The following UNC79 variants were observed in gnomAD, a reference collection of about 807,000 sequenced individuals.
UNC79 encodes the protein unc-79 subunit of NALCN channel complex.
In UNC79, 37 loss-of-function variants were observed where a neutral mutation model predicts 283.1. The observed-to-expected ratio is 0.13, with a 90% CI of 0.10 to 0.17. UNC79 has a LOEUF of 0.17. UNC79 is among the 10% of genes least tolerant of loss of function. The pLI is 1.00. For synonymous variants in UNC79, 1,107 were observed against 1,200.2 expected (o/e 0.92, Z 1.61); for missense variants, 2,272 against 3,211.1 (o/e 0.71, Z 7.07).
At chr14:93,603,141 A>C in intron 25 of UNC79, 98 bp from the exon 26 acceptor site, 1 of 1,361,466 alleles carries the variant, frequency 7.3e-7, no homozygotes, top group Non-Finnish European at 1.0e-6. Flanking sequence ...AATGTATTTT[A>C]ATATTGAAAC....
chr14:93,627,681 A>G (rs1292530789), intron 30 of UNC79, among the ~76,000 whole-genome samples: 1 of 152,212 alleles, frequency 6.6e-6, no homozygotes, highest in Non-Finnish European at 1.5e-5. Context: ...GAGGGGAAAT[A>G]TACTCTCCCT....
At chr14:93,545,118 G>A (rs770423251) in intron 14 of UNC79, among the ~76,000 whole-genome samples, 11 of 152,112 alleles carry the variant, frequency 7.2e-5, no homozygotes, top group Non-Finnish European at 1.6e-4. Context: ...AAGACAGAAG[G>A]ATCTAGTTTA....
chr14:93,626,262 C>T (rs1276342682), intron 30 of UNC79, among the ~76,000 whole-genome samples: 1 of 152,168 alleles, frequency 6.6e-6, no homozygotes, highest in East Asian at 1.9e-4. Context: ...TCCACAGCCT[C>T]CTATCACCTT....
At chr14:93,614,856 C>G (rs2066585447) in intron 27 of UNC79, among the ~76,000 whole-genome samples, 1 of 152,162 alleles carries the variant, frequency 6.6e-6, no homozygotes, top group South Asian at 2.1e-4. Flanking sequence ...CTCACTACCC[C>G]AAACAGTTCA....
At chr14:93,354,211 A>G (rs190122140) in intron 1 of UNC79, among the ~76,000 whole-genome samples, 69 of 152,312 alleles carry the variant, frequency 4.5e-4, no homozygotes, top group African/African-American at 1.5e-3. Context: ...GGAAAGTGAT[A>G]TGAGAAGATG....
chr14:93,669,824 A>G (rs2072643393), intron 40 of UNC79, among the ~76,000 whole-genome samples: 1 of 152,162 alleles, frequency 6.6e-6, no homozygotes, highest in Non-Finnish European at 1.5e-5. Flanking sequence ...CACTAAACAA[A>G]CAGAAAGCTC....
In UNC79 at chr14:93,684,069, A is replaced by G. The variant is rs546296841; in HGVS notation, c.6819+1375A>G. On this transcript the variant is annotated intron_variant, in intron 42 of 48. Coordinates refer to ENST00000555664, the Ensembl canonical transcript of UNC79. The stretch of plus-strand genomic sequence containing the variant: ...AATGAGAGCACTTTACATAAGATCT[A>G]CCTTCTTAAGAAATTTCTAAGTATG... 5.9e-5 allele frequency among the ~76,000 whole-genome samples: 9 copies of G among 152,276 alleles called. No homozygotes were observed. In the South Asian group the frequency reaches 1.9e-3, roughly 32 times the overall value.
At chr14:93,357,922 T>TGG (rs1290568118) in intron 1 of UNC79, among the ~76,000 whole-genome samples, 1,208 of 33,290 alleles carry the variant, frequency 0.036, 1 homozygote, top group African/African-American at 0.064. Context: ...TATCCATATA[T>TGG]ATAGATATAT....
chr14:93,348,236 TTCCTC>T (rs2053909638), intron 1 of UNC79: 3 of 658,686 alleles, frequency 4.6e-6, no homozygotes, highest in Non-Finnish European at 8.3e-6. Flanking sequence ...GGTATTCACT[TTCCTC>T]ATGTTTATGA....
chr14:93,582,459 A>G, intron 20 of UNC79, 115 bp downstream of exon 20: 1 of 1,425,782 alleles, frequency 7.0e-7, no homozygotes. Context: ...TTTCCTTAGT[A>G]TAGACTCGTG....
intron 1 of UNC79, among the ~76,000 whole-genome samples, chr14:93,357,714 T>TATATGG (rs1555398789): frequency 8.0e-6 from 1 of 125,022 alleles, no homozygotes; most frequent in Non-Finnish European, 1.6e-5. Context: ...TATATATATA[T>TATATGG]ATATATGGAT....
In UNC79 at chr14:93,688,651, A is replaced by G. The variant is rs2074440887; in HGVS notation, c.6910-14A>G. ...GTGTCTGCCAGAGTTACAAAATACC[A>G]TTCGGTTTTGTAGAGCCACATGAAG... On this transcript the variant is annotated splice_polypyrimidine_tract_variant and intron_variant, in intron 43 of 48. Transcript: ENST00000555664. The surrounding 1 kb of genome is among the most constrained non-coding windows in gnomAD (Gnocchi z 4.0). 1.9e-5 allele frequency: 31 copies of G among 1,609,054 alleles called. No homozygotes were observed. The highest frequency in any genetic ancestry group is 2.5e-5 in the Non-Finnish European group (30 of 1,177,068).
chr14:93,480,603 C>T (rs1020270652), intron 4 of UNC79, among the ~76,000 whole-genome samples: 1 of 152,164 alleles, frequency 6.6e-6, no homozygotes, highest in African/African-American at 2.4e-5. Context: ...AATTCGATTA[C>T]ACCATTCAGG....
intron 1 of UNC79, among the ~76,000 whole-genome samples, chr14:93,416,666 G>A (rs1419842755): frequency 2.0e-5 from 3 of 152,128 alleles, no homozygotes; most frequent in Non-Finnish European, 4.4e-5. Context: ...AAGTCTCTTT[G>A]TAGGTCACTC....
chr14:93,571,417 A>G (rs2063202186), intron 14 of UNC79, among the ~76,000 whole-genome samples: 1 of 152,218 alleles, frequency 6.6e-6, no homozygotes, highest in Non-Finnish European at 1.5e-5. Flanking sequence ...GGTACGCAGC[A>G]TAGGGTAAAA....
At chr14:93,466,029 T>C (rs1450785703) in intron 1 of UNC79, among the ~76,000 whole-genome samples, 1 of 152,228 alleles carries the variant, frequency 6.6e-6, no homozygotes, top group East Asian at 1.9e-4. Context: ...TTGTAGATTA[T>C]GCAATCAAAC....
intron 27 of UNC79, 140 bp downstream of exon 28, chr14:93,613,223 G>C (rs981734011): frequency 1.7e-5 from 19 of 1,119,354 alleles, no homozygotes; most frequent in Non-Finnish European, 2.1e-5. Flanking sequence ...ATGTGGAGGG[G>C]AATGTGAACA....
chr14:93,568,777 T>A lies in UNC79; in HGVS notation c.1756-3117T>A, dbSNP rs535434669. 5.4e-4 allele frequency among the ~76,000 whole-genome samples: 83 copies of A among 152,370 alleles called. 3 individuals are homozygous for A. The highest frequency in any genetic ancestry group is 1.7e-3 in the East Asian group (9 of 5,194). ...CATCTTTGCCTCACTTTTATTTAAA[T>A]TGTGTTTCTGGCAGATGGAACAAGT... is the stretch of plus-strand genomic sequence containing the variant. On this transcript the variant is annotated intron_variant, in intron 14 of 48. Transcript: ENST00000555664.
At chr14:93,591,892 C>T (rs113760848) in intron 22 of UNC79, among the ~76,000 whole-genome samples, 2,604 of 152,274 alleles carry the variant, frequency 0.017, 77 homozygotes, top group African/African-American at 0.059. Flanking sequence ...AACACTTGAG[C>T]TCACCTGAAT....
Sources: allele counts gnomAD v4.1 joint callset (sites outside exome capture counted in the v4.1 genomes callset), GRCh38; gene constraint gnomAD v4.1.1; non-coding constraint Gnocchi (gnomAD v3.1); transcripts MANE v1.5; gene names NCBI Gene and HGNC (gene_info 2026-07-23, HGNC 2026-07-21).